The following ZNF18 variants were observed in gnomAD, a reference collection of about 807,000 sequenced individuals.
The protein encoded by ZNF18 is heart development-specific gene 1 protein.
A neutral mutation model predicts 58.1 loss-of-function variants in ZNF18; 42 were observed. The ratio of observed to expected loss-of-function variants is 0.72; its 90% CI spans 0.56 to 0.93. The LOEUF (loss-of-function observed/expected upper bound fraction) is 0.93. ZNF18 is among the 40% of genes least tolerant of loss of function. The pLI, the probability that ZNF18 is intolerant of heterozygous loss-of-function variation, is 0.00. For missense variants in ZNF18, 540 were observed against 644.2 expected (o/e 0.84, Z 1.75); for synonymous variants, 231 against 239.8 (o/e 0.96, Z 0.34).
intron 6 of ZNF18, 96 bp from the exon 7 acceptor site, chr17:11,978,840 C>CTTTT (rs56969015): frequency 0.015 from 1,756 of 120,502 alleles, 320 homozygotes; most frequent in African/African-American, 0.044. Flanking sequence ...CATTCATTTT[C>CTTTT]TTTTTTTTTT....
At chr17:12,014,309 A>C in the ZNF18 span, among the ~76,000 whole-genome samples, 5 of 152,248 alleles carry the variant, frequency 3.3e-5, no homozygotes, top group Admixed American at 2.6e-4. Context: ...ATCTGAAAAT[A>C]TATGTCCACA....
At chr17:12,007,709 T>A in the ZNF18 span, among the ~76,000 whole-genome samples, 8 of 152,222 alleles carry the variant, frequency 5.3e-5, no homozygotes, top group Non-Finnish European at 8.8e-5. Flanking sequence ...CTGCCCACGT[T>A]GAGATTTTCT....
In ZNF18 at chr17:11,990,055, G is replaced by A. The variant is rs191494875; in HGVS notation, c.666+407C>T. On this transcript the variant is annotated intron_variant, in intron 4 of 6. Transcript: ENST00000580306. ...TCCTTAAAGGAGAGGAGAAATAAGC[G>A]AGACAGAAAAAAAAATGCTTTAGAA... Among the ~76,000 whole-genome samples the A allele has an allele frequency of 1.3e-3, 191 of 151,946 alleles. 2 individuals carry two copies. In the East Asian group the frequency reaches 0.03, roughly 24 times the overall value.
chr17:12,005,022 T>C, the ZNF18 span, among the ~76,000 whole-genome samples: 3 of 151,168 alleles, frequency 2.0e-5, no homozygotes, highest in Admixed American at 6.6e-5. Context: ...TGTTTAAATA[T>C]ATATTTATAC....
At chr17:11,984,056 G>T in intron 5 of ZNF18, 57 bp downstream of exon 5, 2 of 1,484,764 alleles carry the variant, frequency 1.3e-6, no homozygotes, top group Non-Finnish European at 1.8e-6. Context: ...CATGGAAAAT[G>T]CCTCACAGTT....
intron 4 of ZNF18, among the ~76,000 whole-genome samples, chr17:11,986,131 T>A (rs1967726830): frequency 6.6e-6 from 1 of 152,194 alleles, no homozygotes; most frequent in Non-Finnish European, 1.5e-5. Context: ...TCCGATGGCT[T>A]TAAAAATGGG....
chr17:11,980,980 G>A (rs1408078272), intron 6 of ZNF18, among the ~76,000 whole-genome samples: 1 of 152,006 alleles, frequency 6.6e-6, no homozygotes, highest in Non-Finnish European at 1.5e-5. Context: ...TTATTAGCAG[G>A]GTAAGTATAT....
At chr17:11,980,172 G>C in intron 6 of ZNF18, among the ~76,000 whole-genome samples, 1 of 152,130 alleles carries the variant, frequency 6.6e-6, no homozygotes, top group East Asian at 1.9e-4. Context: ...GGCAGAGGGG[G>C]AAGTGGGTAT....
chr17:12,009,761 G>A, the ZNF18 span, among the ~76,000 whole-genome samples: 16 of 152,102 alleles, frequency 1.1e-4, no homozygotes, highest in East Asian at 3.1e-3. Context: ...CCATTCCTGA[G>A]CTTTTAAATC....
Position 11,992,840 on chromosome 17 carries a change from G to A in ZNF18, c.-11C>T. 1.2e-6 allele frequency: 2 copies of A among 1,604,246 alleles called. No homozygotes were observed. Among genetic ancestry groups the A allele is most frequent in the Non-Finnish European group, 1.7e-6 (2 of 1,175,994 alleles). On this transcript the variant is annotated 5_prime_UTR_variant, in exon 2 of 7. Coordinates refer to ENST00000580306, the MANE Select transcript of ZNF18 (RefSeq NM_001303281.2). ...CAAGTCAACGGGCATTGTCCAGCCTGGCAAGTCCTTTTAAGTAAAGTGCTT... is the reference window on the plus strand; with the variant it reads ...CAAGTCAACGGGCATTGTCCAGCCTAGCAAGTCCTTTTAAGTAAAGTGCTT...
At chr17:12,019,293 GATGT>G in the ZNF18 span, among the ~76,000 whole-genome samples, 5 of 78,682 alleles carry the variant, frequency 6.4e-5, no homozygotes, top group Admixed American at 6.9e-4. Flanking sequence ...TATAATATTG[GATGT>G]GTGTGTGTGT....
At chr17:11,995,451 G>C (rs1281031968) in intron 1 of ZNF18, 1 of 151,938 alleles carries the variant, frequency 6.6e-6, no homozygotes, top group East Asian at 1.9e-4. Context: ...GGAAGCCCTA[G>C]GCGGGAGGAC....
the ZNF18 span, among the ~76,000 whole-genome samples, chr17:12,005,525 A>T: frequency 6.6e-6 from 1 of 152,178 alleles, no homozygotes; most frequent in Non-Finnish European, 1.5e-5. Context: ...GCATTGAAAA[A>T]CAAATATCAT....
the ZNF18 span, among the ~76,000 whole-genome samples, chr17:12,020,026 A>T: frequency 2.0e-5 from 3 of 152,214 alleles, no homozygotes; most frequent in Non-Finnish European, 4.4e-5. Flanking sequence ...CTAAAATAAA[A>T]GTCTCTGTGC....
Position 11,978,529 on chromosome 17 carries a change from A to G in ZNF18, c.1078T>C (p.Ser360Pro), listed in dbSNP as rs774812837. The change falls in exon 7 of 7, where the codon TCT (serine) becomes CCT (proline). Residue 360 changes from serine (S) to proline (P), a missense_variant. Coordinates refer to ENST00000580306, the MANE Select transcript of ZNF18 (RefSeq NM_001303281.2). ...IQDEGTGEQL[S>P]PQERISEKQL... ...TTCTCAGAAATCCTTTCTTGAGGAG[A>G]CAGCTGTTCCCCTGTTCCCTCATCC... The G allele has an allele frequency of 6.2e-7, 1 of 1,610,128 alleles. No homozygotes were observed. Among genetic ancestry groups the G allele is most frequent in the South Asian group, 1.1e-5 (1 of 90,544 alleles).
At chr17:11,983,275 A>G in intron 6 of ZNF18, 22 bp downstream of exon 6, 1 of 1,561,332 alleles carries the variant, frequency 6.4e-7, no homozygotes, top group Non-Finnish European at 8.8e-7. Context: ...AAATGATTCC[A>G]GACCAATGAA....
the ZNF18 span, chr17:12,020,871 C>G: frequency 2.7e-6 from 3 of 1,121,864 alleles, no homozygotes; most frequent in Non-Finnish European, 3.3e-6. Context: ...CGCCGCTCGG[C>G]TCTTCACTCC....
At chr17:11,990,282 TAA>T (rs1339046069) in intron 4 of ZNF18, among the ~76,000 whole-genome samples, 178 bp downstream of exon 4, 1 of 152,116 alleles carries the variant, frequency 6.6e-6, no homozygotes, top group African/African-American at 2.4e-5. Context: ...AGAACAAAGA[TAA>T]GAGTACATTT....
the ZNF18 span, among the ~76,000 whole-genome samples, chr17:12,009,597 C>T: frequency 1.3e-5 from 2 of 151,948 alleles, no homozygotes; most frequent in African/African-American, 2.4e-5. Flanking sequence ...GGATTACAGG[C>T]GCCCGTCACC....
Sources: gnomAD v4.1 joint callset for allele counts (sites outside exome capture counted in the v4.1 genomes callset) on GRCh38, gnomAD v4.1.1 for gene constraint, MANE v1.5 for transcripts, NCBI Gene and HGNC (gene_info 2026-07-23, HGNC 2026-07-21) for gene names.